The following GSE1 variants were observed in gnomAD, a reference collection of about 807,000 sequenced individuals.
GSE1 encodes genetic suppressor element 1.
A neutral mutation model predicts 112.6 loss-of-function variants in GSE1; 32 were observed. The observed-to-expected ratio is 0.28, with a 90% CI of 0.21 to 0.38. The LOEUF is 0.38. Ranked by LOEUF, GSE1 falls within the 10% of genes least tolerant of loss-of-function variation. The pLI is 1.00. For synonymous variants in GSE1, 1,115 were observed against 735.6 expected (o/e 1.52, Z -8.35); for missense variants, 2,348 against 1,699.2 (o/e 1.38, Z -6.71).
chr16:85,472,103 C>T (rs2050313122), intron 2 of GSE1, among the ~76,000 whole-genome samples: 1 of 152,182 alleles, frequency 6.6e-6, no homozygotes, highest in Non-Finnish European at 1.5e-5. Flanking sequence ...GACACCTGCC[C>T]AGACATTGCC....
intron 1 of GSE1, among the ~76,000 whole-genome samples, chr16:85,341,345 A>G (rs539414507): frequency 5.2e-4 from 79 of 152,290 alleles, no homozygotes; most frequent in African/African-American, 1.8e-3. Flanking sequence ...ATGTGCTACC[A>G]TGCTGAGCTA....
chr16:85,534,128 C>CTTTTTTT (rs71151302), intron 2 of GSE1, among the ~76,000 whole-genome samples: 1 of 148,766 alleles, frequency 6.7e-6, no homozygotes. Context: ...TTTCTTCTTC[C>CTTTTTTT]TTTTTTTTTT....
At chr16:85,197,185 G>A (rs1439242272) in intron 1 of GSE1, among the ~76,000 whole-genome samples, 2 of 152,090 alleles carry the variant, frequency 1.3e-5, no homozygotes, top group Non-Finnish European at 2.9e-5. Flanking sequence ...ACACAGGGAC[G>A]GGCAGTTCAG....
At chr16:85,291,855 C>G (rs1032325954) in intron 1 of GSE1, among the ~76,000 whole-genome samples, 1 of 152,256 alleles carries the variant, frequency 6.6e-6, no homozygotes, top group African/African-American at 2.4e-5. Flanking sequence ...ACTCGTCCCT[C>G]TCACCACAAA....
rs559065568 is a variant in GSE1 at position 85,497,262 on chromosome 16, G to A, written c.2465-136652G>A. Among the ~76,000 whole-genome samples the A allele has an allele frequency of 1.1e-4, 16 of 152,302 alleles. No individual in the cohort carries two copies. The South Asian group carries it at 1.9e-3, about 18-fold the overall frequency. On this transcript the variant is annotated intron_variant, in intron 2 of 2. Coordinates refer to the GSE1 transcript ENST00000637419. ...TCTCCTGAAGGCGGAGTGGGTGGGC[G>A]CACCTCTGGTGTTAGACCTCCTTCT...
At chr16:85,428,323 G>A (rs2049039354) in intron 2 of GSE1, among the ~76,000 whole-genome samples, 1 of 152,202 alleles carries the variant, frequency 6.6e-6, no homozygotes, top group Non-Finnish European at 1.5e-5. Flanking sequence ...GGCAACGATG[G>A]GCAGAGGCAG....
intron 1 of GSE1, among the ~76,000 whole-genome samples, chr16:85,601,699 C>G (rs2047472101): frequency 6.6e-6 from 1 of 152,110 alleles, no homozygotes; most frequent in Non-Finnish European, 1.5e-5. Context: ...TTTGTGAGAC[C>G]AAATTTTAAG....
chr16:85,432,672 A>G (rs182082306), intron 2 of GSE1, among the ~76,000 whole-genome samples: 1 of 152,286 alleles, frequency 6.6e-6, no homozygotes, highest in East Asian at 1.9e-4. Flanking sequence ...TAATGAAAAA[A>G]CAGGCATTCT....
chr16:85,347,012 T>G (rs906191529), intron 1 of GSE1, among the ~76,000 whole-genome samples: 3 of 152,116 alleles, frequency 2.0e-5, no homozygotes, highest in African/African-American at 7.2e-5. Context: ...CCAAATAACG[T>G]GGCTCTTAGA....
intron 1 of GSE1, among the ~76,000 whole-genome samples, chr16:85,185,534 A>G (rs896924959): frequency 6.6e-6 from 1 of 152,196 alleles, no homozygotes; most frequent in Admixed American, 6.5e-5. Flanking sequence ...TGGAATACCC[A>G]CTGGAAACTT....
intron 1 of GSE1, among the ~76,000 whole-genome samples, chr16:85,604,476 A>G (rs1431340936): frequency 6.6e-6 from 1 of 151,938 alleles, no homozygotes; most frequent in African/African-American, 2.4e-5. Flanking sequence ...CATCCGTACA[A>G]GGTTTTGCGT....
chr16:85,431,970 A>G (rs2049133212), intron 2 of GSE1, among the ~76,000 whole-genome samples: 1 of 152,202 alleles, frequency 6.6e-6, no homozygotes, highest in African/African-American at 2.4e-5. Flanking sequence ...TCCCAGGCAC[A>G]GCACGGCATG....
At chr16:85,545,223 T>G (rs4843456) in intron 2 of GSE1, among the ~76,000 whole-genome samples, 1 of 152,140 alleles carries the variant, frequency 6.6e-6, no homozygotes, top group African/African-American at 2.4e-5. Flanking sequence ...GCTGTCTGAT[T>G]TCTCTGGCAT....
At chr16:85,468,380 G>GAACTTAACTCACTGCA (rs1440810418) in intron 2 of GSE1, among the ~76,000 whole-genome samples, 2 of 146,074 alleles carry the variant, frequency 1.4e-5, no homozygotes, top group African/African-American at 2.6e-5. Context: ...GCGGTGACGC[G>GAACTTAACTCACTGCA]ACCTTAACTC....
At chr16:85,649,081 T>G (rs2051120216) in intron 3 of GSE1, among the ~76,000 whole-genome samples, 1 of 152,186 alleles carries the variant, frequency 6.6e-6, no homozygotes, top group South Asian at 2.1e-4. Flanking sequence ...TCTCCTGGGT[T>G]GCCGGTGGCT....
intron 1 of GSE1, among the ~76,000 whole-genome samples, chr16:85,321,876 C>G (rs959075084): frequency 1.3e-4 from 20 of 152,128 alleles, no homozygotes; most frequent in Admixed American, 1.2e-3. Flanking sequence ...GAGTAACAGC[C>G]TCGGACACTG....
At position 85,633,988 on chromosome 16, in the gene GSE1, C is replaced by T. The variant is rs773470396; in HGVS notation, c.82C>T (p.Pro28Ser). 8.1e-6 allele frequency: 13 copies of T among 1,612,992 alleles called. No individual in the cohort carries two copies. The highest frequency in any genetic ancestry group is 1.1e-5 in the South Asian group (1 of 91,020). The change falls in exon 2 of 16, where the codon CCC becomes TCC. Residue 28 changes from proline to serine, a missense_variant. Coordinates refer to ENST00000253458, the MANE Select transcript of GSE1 (RefSeq NM_014615.5). ...TATRTTATVN[P>S]LTPSPLNGAL... ...GACCAGGACCACCGCCACCGTCAAC[C>T]CCCTCACCCCCTCGCCGCTCAATGG...
chr16:85,638,107 A>G (rs12922725), intron 2 of GSE1, among the ~76,000 whole-genome samples: 123,967 of 152,116 alleles, frequency 0.81, 51,184 homozygotes, highest in African/African-American at 0.95. Flanking sequence ...TCTCCAGTGC[A>G]CGCCTGACGA....
intron 1 of GSE1, among the ~76,000 whole-genome samples, chr16:85,597,373 C>CAAAAAAAAAAAAAA: frequency 3.1e-5 from 1 of 31,846 alleles, no homozygotes; most frequent in African/African-American, 1.1e-4. Context: ...GACTCTGTCT[C>CAAAAAAAAAAAAAA]AAAAAAAAAA....
Sources: allele counts gnomAD v4.1 joint callset (sites outside exome capture counted in the v4.1 genomes callset), GRCh38; gene constraint gnomAD v4.1.1; transcripts MANE v1.5; gene names NCBI Gene and HGNC (gene_info 2026-07-23, HGNC 2026-07-21).